FNTB: variants seen among roughly 807,000 people sequenced by gnomAD.
The protein encoded by FNTB is farnesyltransferase, CAAX box, subunit beta, also known as protein farnesyltransferase subunit beta.
Under a neutral mutation model 59.4 loss-of-function variants are expected in FNTB, and 27 were observed. The observed-to-expected ratio is 0.45, with a 90% confidence interval of 0.34 to 0.63. The LOEUF (loss-of-function observed/expected upper bound fraction) is 0.63, where lower values mean the gene tolerates loss of function less well. Ranked by LOEUF, FNTB falls within the 20% of genes least tolerant of loss-of-function variation. The pLI is 0.02. For missense variants in FNTB, 449 were observed against 559.6 expected (o/e 0.80, Z 1.99); for synonymous variants, 230 against 220.7 (o/e 1.04, Z -0.37).
intron 7 of FNTB, among the ~76,000 whole-genome samples, chr14:65,035,570 C>G (rs919525186): frequency 1.3e-5 from 2 of 152,090 alleles, no homozygotes; most frequent in African/African-American, 2.4e-5. Context: ...TGCTCTGTTG[C>G]ACGAGCTGGA....
intron 9 of FNTB, among the ~76,000 whole-genome samples, chr14:65,048,488 A>ACTT (rs560478146): frequency 1.7e-4 from 26 of 152,242 alleles, no homozygotes; most frequent in Non-Finnish European, 1.6e-4. Flanking sequence ...AGTGACCATC[A>ACTT]GTGGCTCCAT....
chr14:64,999,721 A>G (rs1372625423), intron 1 of FNTB, among the ~76,000 whole-genome samples: 1 of 152,190 alleles, frequency 6.6e-6, no homozygotes, highest in Non-Finnish European at 1.5e-5. Context: ...ATACCAGAAT[A>G]TACTAGTTCT....
rs778336676 is a variant in FNTB at position 65,040,535 on chromosome 14, G to A, written c.693-255G>A. 1.0e-3 allele frequency among the ~76,000 whole-genome samples: 152 copies of A among 150,354 alleles called. 1 individual carries two copies. The highest frequency in any genetic ancestry group is 7.0e-3 in the Middle Eastern group (2 of 284). On this transcript the variant is annotated intron_variant, in intron 7 of 11. Coordinates refer to ENST00000246166, the MANE Select transcript of FNTB (RefSeq NM_002028.4). ...AGCTCACTGCAGCCTCGAACTCCTC[G>A]CCTCAAGTGATCTTCTTGCCTTAGT...
chr14:65,057,171 A>G (rs1382149377), intron 11 of FNTB, among the ~76,000 whole-genome samples: 2 of 152,222 alleles, frequency 1.3e-5, no homozygotes, highest in African/African-American at 4.8e-5. Flanking sequence ...ACCTCTCAAC[A>G]TAGCCATCTT....
At chr14:65,002,935 G>C (rs992521820) in intron 1 of FNTB, among the ~76,000 whole-genome samples, 2 of 152,194 alleles carry the variant, frequency 1.3e-5, no homozygotes, top group Admixed American at 6.5e-5. Context: ...TTAAACAAAA[G>C]TCTTATGATT....
rs934559425 is a variant in FNTB at position 65,060,501 on chromosome 14, C to T, written c.1183-680C>T. On this transcript the variant is annotated intron_variant, in intron 11 of 11. Transcript: ENST00000246166. ...CACGAGGTCAGGAGATCGAGACCAT[C>T]CCGGCTAAAACGGTGAAACCCCGTC... 9.4e-5 allele frequency among the ~76,000 whole-genome samples: 12 copies of T among 127,268 alleles called. 2 individuals are homozygous for T. Among genetic ancestry groups the T allele is most frequent in the African/African-American group, 2.6e-4 (6 of 22,674 alleles). The allele number at this position is 127,268 out of a possible 152,430, so 83.5% of individuals were successfully genotyped here. A position where few individuals can be genotyped will look rare whatever the true frequency, so the allele number is the denominator to read the frequency against.
In FNTB at chr14:65,009,834, C is replaced by G. The variant is rs2061656689; in HGVS notation, c.210-2483C>G. On this transcript the variant is annotated intron_variant, in intron 2 of 11. Coordinates refer to ENST00000246166, the MANE Select transcript of FNTB (RefSeq NM_002028.4). This position sits in a 1 kb window ranked among gnomAD's most constrained non-coding sequence, Gnocchi z 4.2. ...TGGGAAGAGTTTTCTGACCCTCCAT[C>G]TCTTCCCGTGGCTGATCACAGCGTT... Among the ~76,000 whole-genome samples the G allele has an allele frequency of 6.6e-6, 1 of 152,150 alleles. No individual in the cohort carries two copies. The highest frequency in any genetic ancestry group is 1.5e-5 in the Non-Finnish European group (1 of 68,024).
chr14:65,037,748 AT>A (rs55864662), intron 7 of FNTB, among the ~76,000 whole-genome samples: 20,569 of 72,136 alleles, frequency 0.29, 1,764 homozygotes, highest in African/African-American at 0.3. Flanking sequence ...TTTATTATTT[AT>A]TTATTTATTT....
rs779602842 is a variant in FNTB, at chr14:64,987,054, G to C, written c.101G>C (p.Arg34Pro). Residue 34 changes from arginine (R) to proline (P), a missense_variant, in exon 1 of 12, where the codon CGG becomes CCG. By Grantham distance (103) the Arg-to-Pro change is moderately radical. Around this residue, in one of 2 missense-constraint regions of FNTB, gnomAD observed 112 missense variants for 80.5 expected, o/e 1.39. Coordinates refer to ENST00000246166, the MANE Select transcript of FNTB (RefSeq NM_002028.4). ...YSLRPEHARE[R>P]LQDDSVETVT... ...CTGAGGCCCGAGCACGCGCGAGAGC[G>C]GTTGCAGGACGACTCGGTGGAAACA... is the stretch of plus-strand genomic sequence containing the variant. 6.2e-7 allele frequency: 1 copy of C among 1,614,114 alleles called. No homozygotes were observed. Among genetic ancestry groups the C allele is most frequent in the East Asian group, 2.2e-5 (1 of 44,900 alleles).
At chr14:65,052,422 A>T (rs529974370) in intron 9 of FNTB, among the ~76,000 whole-genome samples, 155 of 152,344 alleles carry the variant, frequency 1.0e-3, no homozygotes, top group African/African-American at 3.4e-3. Context: ...TAGCCCAGGT[A>T]TCAAAATATA....
chr14:65,030,627 A>G lies in FNTB; in HGVS notation c.606-1983A>G, dbSNP rs2062062237. ...TGTGGTGGCATGCATCTGTAGCCTC[A>G]GCTGCTTAGGAGGCTGAGGCAAGAT... On this transcript the variant is annotated intron_variant, in intron 6 of 11. Coordinates refer to ENST00000246166, the MANE Select transcript of FNTB (RefSeq NM_002028.4). The surrounding 1 kb of genome is among the most constrained non-coding windows in gnomAD (Gnocchi z 4.5). 6.6e-6 allele frequency among the ~76,000 whole-genome samples: 1 copy of G among 152,068 alleles called. No homozygotes were observed. Among genetic ancestry groups the G allele is most frequent in the African/African-American group, 2.4e-5 (1 of 41,418 alleles).
Position 65,044,743 on chromosome 14 carries a change from G to A in FNTB, c.955+300G>A, listed in dbSNP as rs560462864. 2.1e-3 allele frequency: 817 copies of A among 389,990 alleles called. 8 individuals carry two copies. Among genetic ancestry groups the A allele is most frequent in the Non-Finnish European group, 1.9e-3 (420 of 218,514 alleles). 24.2% of individuals were successfully genotyped at this position (389,990 alleles called of 1,614,324 possible). A position where few individuals can be genotyped will look rare whatever the true frequency, so the allele number is the denominator to read the frequency against. On this transcript the variant is annotated intron_variant, in intron 9 of 11. Coordinates refer to ENST00000246166, the MANE Select transcript of FNTB (RefSeq NM_002028.4). The surrounding 1 kb of genome is among the most constrained non-coding windows in gnomAD (Gnocchi z 5.5). ...GCTTCTGCGTTATCTGGAAGGAGCA[G>A]CCCACTCCTGTCCTGGGCTCTGTGG...
Position 65,029,264 on chromosome 14 carries a change from C to G in FNTB, c.605+1483C>G, listed in dbSNP as rs1333700397. ...TTGCCTGGTTTCTAGTACCCCGATT[C>G]CATCATTTTTCACTTGGCATTTCTT... On this transcript the variant is annotated intron_variant, in intron 6 of 11. Coordinates refer to ENST00000246166, the MANE Select transcript of FNTB (RefSeq NM_002028.4). The surrounding 1 kb of genome is among the most constrained non-coding windows in gnomAD (Gnocchi z 4.7). Among the ~76,000 whole-genome samples the G allele has an allele frequency of 6.6e-6, 1 of 152,190 alleles. No homozygotes were observed. The highest frequency in any genetic ancestry group is 1.5e-5 in the Non-Finnish European group (1 of 68,036).
intron 1 of FNTB, among the ~76,000 whole-genome samples, chr14:64,988,055 A>C (rs1397295695): frequency 6.6e-6 from 1 of 152,176 alleles, no homozygotes; most frequent in Non-Finnish European, 1.5e-5. Context: ...TTCCTACTTT[A>C]AGTTGGAAGC....
intron 11 of FNTB, among the ~76,000 whole-genome samples, chr14:65,060,219 A>G (rs2062830997): frequency 1.3e-5 from 2 of 152,144 alleles, no homozygotes; most frequent in South Asian, 2.1e-4. Flanking sequence ...ATGAAAAACA[A>G]TCATATCACT....
In FNTB at chr14:65,061,645, C is replaced by A. The variant is rs143383452; in HGVS notation, c.*333C>A. On this transcript the variant is annotated 3_prime_UTR_variant, in exon 12 of 12. Transcript: ENST00000246166. ...AGAGATGAATGGCATCTGAGTATTA[C>A]GGCATCCAGAGCCACTGCTGACTCC... The A allele has an allele frequency of 1.3e-5, 3 of 234,156 alleles. No individual in the cohort carries two copies. The highest frequency in any genetic ancestry group is 8.7e-6 in the Non-Finnish European group (1 of 114,518). 14.5% of individuals were successfully genotyped at this position (234,156 alleles called of 1,614,324 possible).
At chr14:65,013,604 C>T (rs757094508) in intron 3 of FNTB, among the ~76,000 whole-genome samples, 11 of 152,194 alleles carry the variant, frequency 7.2e-5, no homozygotes, top group Non-Finnish European at 1.2e-4. Context: ...GGCTGGAGTG[C>T]AGTGGCATGA....
intron 1 of FNTB, among the ~76,000 whole-genome samples, chr14:64,989,205 T>G (rs1888081232): frequency 6.7e-6 from 1 of 149,816 alleles, no homozygotes; most frequent in South Asian, 2.1e-4. Context: ...CTTTGGGAGT[T>G]CGAGGCGGGA....
intron 11 of FNTB, among the ~76,000 whole-genome samples, chr14:65,055,276 T>A (rs1425434950): frequency 2.0e-5 from 3 of 152,232 alleles, no homozygotes; most frequent in African/African-American, 7.2e-5. Flanking sequence ...GAGGACAACC[T>A]GGAGGTGCTC....
Sources: allele counts gnomAD v4.1 joint callset (sites outside exome capture counted in the v4.1 genomes callset), GRCh38; gene constraint gnomAD v4.1.1; regional missense constraint gnomAD v4.1.1; non-coding constraint Gnocchi (gnomAD v3.1); transcripts MANE v1.5; gene names NCBI Gene and HGNC (gene_info 2026-07-23, HGNC 2026-07-21).